MFNG: variants seen among roughly 807,000 people sequenced by gnomAD.
MFNG encodes MFNG O-fucosylpeptide 3-beta-N-acetylglucosaminyltransferase.
Under a neutral mutation model 34.2 loss-of-function variants are expected in MFNG, and 24 were observed. The ratio of observed to expected loss-of-function variants is 0.70; its 90% CI spans 0.51 to 0.99. MFNG has a LOEUF of 0.99. Ranked by LOEUF, MFNG falls within the 50% of genes least tolerant of loss-of-function variation. The probability of loss-of-function intolerance (pLI) is 0.00; values close to 1 mark genes in which losing one functional copy is unlikely to be tolerated. For synonymous variants in MFNG, 158 were observed against 179.2 expected (o/e 0.88, Z 0.94); for missense variants, 383 against 424.0 (o/e 0.90, Z 0.85).
rs1922522335 is a variant in MFNG at position 37,485,814 on chromosome 22, G to A, written c.255+109C>T. 1 of 1,314,914 alleles carries A rather than the reference G, an allele frequency of 7.6e-7. No individual in the cohort carries two copies. Among genetic ancestry groups the A allele is most frequent in the South Asian group, 1.5e-5 (1 of 66,728 alleles). The allele number at this position is 1,314,914 out of a possible 1,614,324, so 81.5% of individuals were successfully genotyped here. ...GAGGATCCCTGATTAGGCAGGTATT[G>A]AGCAGCTTCTCCCATGAGGCAGTCA... On this transcript the variant is annotated intron_variant, in intron 1 of 7. Coordinates refer to ENST00000356998, the MANE Select transcript of MFNG (RefSeq NM_002405.4). This position sits in a 1 kb window ranked among gnomAD's most constrained non-coding sequence, Gnocchi z 5.3.
At position 37,469,630 on chromosome 22, in the gene MFNG, T is replaced by A. The variant is rs1921715597; in HGVS notation, c.*333A>T. 1 of 406,432 alleles carries A rather than the reference T, an allele frequency of 2.5e-6. No homozygotes were observed. Among genetic ancestry groups the A allele is most frequent in the African/African-American group, 2.1e-5 (1 of 48,596 alleles). 25.2% of individuals were successfully genotyped at this position (406,432 alleles called of 1,614,324 possible). A position where few individuals can be genotyped will look rare whatever the true frequency, so the allele number is the denominator to read the frequency against. On this transcript the variant is annotated 3_prime_UTR_variant, in exon 8 of 8. Transcript: ENST00000356998. ...ACGGCCAGACCCCACCCAGAGGCCA[T>A]GTCACTGCCTAAAGGGTTAGGACCC...
At chr22:37,476,444 C>T (rs1922043777) in intron 5 of MFNG, among the ~76,000 whole-genome samples, 1 of 152,158 alleles carries the variant, frequency 6.6e-6, no homozygotes, top group Non-Finnish European at 1.5e-5. Context: ...ACCACCTCTT[C>T]CTGGAAGCCT....
At position 37,480,962 on chromosome 22, in the gene MFNG, C is replaced by G. The variant is rs1188375278; in HGVS notation, c.256-193G>C. 4.9e-6 allele frequency: 3 copies of G among 611,052 alleles called. No homozygotes were observed. In the African/African-American group the frequency reaches 5.5e-5, roughly 11 times the overall value. 37.9% of individuals were successfully genotyped at this position (611,052 alleles called of 1,614,324 possible). A position where few individuals can be genotyped will look rare whatever the true frequency, so the allele number is the denominator to read the frequency against. On this transcript the variant is annotated intron_variant, in intron 1 of 7. Transcript: ENST00000356998. ...CCCAGCTTTTGTAGACACACAACTT[C>G]AGGGTGTACACAGCCCACAGTCTAA...
In MFNG at chr22:37,484,885, C is replaced by A. The variant is rs1032011109; in HGVS notation, c.255+1038G>T. Among the ~76,000 whole-genome samples the A allele has an allele frequency of 2.0e-5, 3 of 152,312 alleles. No homozygotes were observed. The East Asian group carries it at 5.8e-4, about 29-fold the overall frequency. On this transcript the variant is annotated intron_variant, in intron 1 of 7. Transcript: ENST00000356998. ...GGCCTCTGCCAGCCATCCTCTCCCC[C>A]TCCTTTTGGTCTTCCAGGAGGTCTC...
intron 4 of MFNG, among the ~76,000 whole-genome samples, chr22:37,477,504 T>C (rs1488494394): frequency 6.6e-6 from 1 of 152,162 alleles, no homozygotes; most frequent in African/African-American, 2.4e-5. Flanking sequence ...TCAAGTGCAG[T>C]GGCACCATCT....
Position 37,474,810 on chromosome 22 carries a change from T to C in MFNG, c.648-133A>G, listed in dbSNP as rs925171226. On this transcript the variant is annotated intron_variant, in intron 5 of 7. Transcript: ENST00000356998. ...CCTGCCTCCTGCATACTGTATGACC[T>C]TGAGCAAGTCAGGAACCTTGGGGAG... 5 of 969,150 alleles carry C rather than the reference T, an allele frequency of 5.2e-6. No individual in the cohort carries two copies. The Admixed American group carries it at 1.3e-4, about 24-fold the overall frequency. 60.0% of individuals were successfully genotyped at this position (969,150 alleles called of 1,614,324 possible). A position where few individuals can be genotyped will look rare whatever the true frequency, so the allele number is the denominator to read the frequency against.
Position 37,483,108 on chromosome 22 carries a change from C to T in MFNG, c.256-2339G>A, listed in dbSNP as rs1350153051. ...CCCCCGTTCTCCCCAAGACCTGCTC[C>T]TCCCTCTCACTGGTTGGGACCCAAA... is the stretch of plus-strand genomic sequence containing the variant. On this transcript the variant is annotated intron_variant, in intron 1 of 7. Coordinates refer to ENST00000356998, the MANE Select transcript of MFNG (RefSeq NM_002405.4). This position sits in a 1 kb window ranked among gnomAD's most constrained non-coding sequence, Gnocchi z 4.5. 1.3e-5 allele frequency among the ~76,000 whole-genome samples: 2 copies of T among 152,188 alleles called. No individual in the cohort carries two copies.
At position 37,469,642 on chromosome 22, in the gene MFNG, A is replaced by G; in HGVS notation, c.*321T>C. 1 of 427,394 alleles carries G rather than the reference A, an allele frequency of 2.3e-6. No homozygotes were observed. Among genetic ancestry groups the G allele is most frequent in the Non-Finnish European group, 4.4e-6 (1 of 226,006 alleles). The allele number at this position is 427,394 out of a possible 1,614,324, so 26.5% of individuals were successfully genotyped here. A position where few individuals can be genotyped will look rare whatever the true frequency, so the allele number is the denominator to read the frequency against. ...CACCCAGAGGCCATGTCACTGCCTA[A>G]AGGGTTAGGACCCCTGAGCCCCAGC... On this transcript the variant is annotated 3_prime_UTR_variant, in exon 8 of 8. Transcript: ENST00000356998.
chr22:37,474,649 G>C lies in MFNG; in HGVS notation c.676C>G (p.Leu226Val), dbSNP rs1921959916. 1.2e-6 allele frequency: 2 copies of C among 1,610,508 alleles called. No homozygotes were observed. Among genetic ancestry groups the C allele is most frequent in the African/African-American group, 1.3e-5 (1 of 74,970 alleles). Residue 226 changes from leucine (L) to valine (V), a missense_variant, in exon 6 of 8, where the codon CTC becomes GTC. Physicochemically the swap from Leu to Val is conservative, Grantham distance 32 (BLOSUM62 1). Transcript: ENST00000356998. ...SGSRFMDTSALIRLPDDCTMG... is the reference protein window; with the variant it reads ...SGSRFMDTSAVIRLPDDCTMG... The stretch of plus-strand genomic sequence containing the variant: ...GTGCAGTCATCAGGCAGCCGGATGA[G>C]AGCAGATGTGTCCATGAAACGGGAG...
At chr22:37,472,637 C>T (rs1921863081) in intron 6 of MFNG, 109 bp from the exon 7 acceptor site, 3 of 1,096,768 alleles carry the variant, frequency 2.7e-6, no homozygotes, top group Admixed American at 5.5e-5. Context: ...GGAAAGCTGC[C>T]CGGGAACCTG....
At chr22:37,470,094 A>G (rs1255984499) in intron 7 of MFNG, 65 bp from the exon 8 acceptor site, 3 of 1,260,330 alleles carry the variant, frequency 2.4e-6, no homozygotes, top group East Asian at 2.5e-5. Context: ...CCACTCTCCT[A>G]GGTGCACACA....
chr22:37,472,704 A>G, intron 6 of MFNG, 176 bp from the exon 7 acceptor site: 1 of 551,724 alleles, frequency 1.8e-6, no homozygotes, highest in Non-Finnish European at 3.1e-6. Flanking sequence ...TCACAGCTGG[A>G]AGAGCACTGC....
rs577208163 is a variant in MFNG, at chr22:37,486,026, A to C, written c.152T>G (p.Leu51Arg). The C allele has an allele frequency of 1.1e-5, 17 of 1,614,026 alleles. No individual in the cohort carries two copies. The East Asian group carries it at 3.3e-4, about 32-fold the overall frequency. ...LSQPNPGPPK[L>R]QLHDVFIAVK... ...TGCAATGAAGACATCGTGTAGCTGT[A>C]GCTTAGGGGGCCCCGGGTTCGGCTG... The change falls in exon 1 of 8, where the codon CTA becomes CGA. Residue 51 changes from leucine to arginine, a missense_variant. Physicochemically the swap from Leu to Arg is moderately radical, Grantham distance 102. Coordinates refer to ENST00000356998, the MANE Select transcript of MFNG (RefSeq NM_002405.4).
intron 1 of MFNG, chr22:37,484,371 GT>G: frequency 1.5e-5 from 2 of 132,450 alleles, no homozygotes; most frequent in East Asian, 3.3e-4. Flanking sequence ...CTTGGCTGAG[GT>G]CACAGAGAGA....
rs990509853 is a variant in MFNG, at chr22:37,483,697, C to T, written c.255+2226G>A. ...CAGGAAGCTGAGGATCACTTGAAAC[C>T]AGGAGGCGGAGGTTGCAGTGAGCCA... On this transcript the variant is annotated intron_variant, in intron 1 of 7. Transcript: ENST00000356998. This position sits in a 1 kb window ranked among gnomAD's most constrained non-coding sequence, Gnocchi z 4.5. 6.6e-6 allele frequency among the ~76,000 whole-genome samples: 1 copy of T among 152,014 alleles called. No homozygotes were observed. The highest frequency in any genetic ancestry group is 1.5e-5 in the Non-Finnish European group (1 of 68,022).
intron 4 of MFNG, among the ~76,000 whole-genome samples, chr22:37,478,162 A>T (rs918366487): frequency 6.6e-6 from 1 of 152,174 alleles, no homozygotes; most frequent in Admixed American, 6.5e-5. Context: ...CTGATAATTA[A>T]GGCTCTGTGT....
intron 6 of MFNG, among the ~76,000 whole-genome samples, chr22:37,474,129 A>G (rs113032554): frequency 6.6e-6 from 1 of 152,212 alleles, no homozygotes; most frequent in Non-Finnish European, 1.5e-5. Flanking sequence ...TAAAATTAGA[A>G]GAGCCAGCTG....
intron 7 of MFNG, among the ~76,000 whole-genome samples, chr22:37,470,594 T>C (rs2145724316): frequency 6.6e-6 from 1 of 152,380 alleles, no homozygotes; most frequent in Middle Eastern, 3.4e-3. Flanking sequence ...TTTTGAATTT[T>C]TGTTCCTATA....
chr22:37,480,110 G>C, intron 3 of MFNG, 87 bp downstream of exon 3: 6 of 1,037,512 alleles, frequency 5.8e-6, no homozygotes, highest in Non-Finnish European at 5.7e-6. Flanking sequence ...TAGAGGAGTG[G>C]GGGCTGAAGT....
Sources: gnomAD v4.1 joint callset for allele counts (sites outside exome capture counted in the v4.1 genomes callset) on GRCh38, gnomAD v4.1.1 for gene constraint, Gnocchi (gnomAD v3.1) non-coding constraint, MANE v1.5 for transcripts, NCBI Gene and HGNC (gene_info 2026-07-23, HGNC 2026-07-21) for gene names.